GPC5: variants seen among roughly 807,000 people sequenced by gnomAD.
GPC5 encodes the protein glypican 5, also known as glypican-5.
In GPC5, 47 loss-of-function variants were observed where a neutral mutation model predicts 53.9. The observed-to-expected ratio is 0.87, with a 90% CI of 0.69 to 1.11. The LOEUF is 1.11. Among genes scored for constraint, GPC5 ranks in the 50% most tolerant of loss-of-function variants. The pLI, the probability that GPC5 is intolerant of heterozygous loss-of-function variation, is 0.00. For synonymous variants in GPC5, 286 were observed against 263.3 expected, an observed-to-expected ratio of 1.09 and a Z score of -0.84; for missense variants, 748 against 713.1, an observed-to-expected ratio of 1.05 and a Z score of -0.56.
At chr13:92,047,542 A>G (rs955276238) in intron 6 of GPC5, among the ~76,000 whole-genome samples, 1 of 151,412 alleles carries the variant, frequency 6.6e-6, no homozygotes, top group Admixed American at 6.6e-5. Flanking sequence ...TTATTATCAC[A>G]GTTACTTCTA....
At chr13:92,133,096 G>A (rs1191531920) in intron 6 of GPC5, among the ~76,000 whole-genome samples, 11 of 152,086 alleles carry the variant, frequency 7.2e-5, no homozygotes, top group African/African-American at 1.7e-4. Flanking sequence ...GACCAGAATC[G>A]TAGTCAAATA....
chr13:92,425,875 G>C (rs1876809649), intron 7 of GPC5, among the ~76,000 whole-genome samples: 1 of 151,986 alleles, frequency 6.6e-6, no homozygotes, highest in Non-Finnish European at 1.5e-5. Context: ...ACACTAGCAT[G>C]TTAGGCAAAC....
intron 7 of GPC5, among the ~76,000 whole-genome samples, chr13:92,315,498 G>A (rs138270883): frequency 6.6e-6 from 1 of 152,188 alleles, no homozygotes; most frequent in African/African-American, 2.4e-5. Flanking sequence ...ATTTCTGCCT[G>A]TTGACCTCCT....
At chr13:91,571,876 C>CAT (rs748647202) in intron 2 of GPC5, among the ~76,000 whole-genome samples, 1 of 100,926 alleles carries the variant, frequency 9.9e-6, no homozygotes, top group Non-Finnish European at 1.9e-5. Flanking sequence ...TGTATATATA[C>CAT]ACACATATAC....
At chr13:92,799,358 CTAAAT>C (rs1472842549) in intron 7 of GPC5, among the ~76,000 whole-genome samples, 1 of 151,706 alleles carries the variant, frequency 6.6e-6, no homozygotes, top group African/African-American at 2.4e-5. Context: ...TTTATTCACT[CTAAAT>C]TATTTAATGC....
chr13:92,817,791 G>T lies in GPC5; in HGVS notation c.1562-48491G>T, dbSNP rs185708587. On this transcript the variant is annotated intron_variant, in intron 7 of 7. Transcript: ENST00000377067. ...CAAACAGTTTTAGTATACTTTATAT[G>T]CCCACTGAGTCTTTCAAACCACATT... is the stretch of plus-strand genomic sequence containing the variant. Among the ~76,000 whole-genome samples the T allele has an allele frequency of 6.4e-4, 98 of 152,022 alleles. 1 individual carries two copies. In the East Asian group the frequency reaches 0.017, roughly 26 times the overall value.
intron 2 of GPC5, among the ~76,000 whole-genome samples, chr13:91,572,547 G>GGTGGTGC (rs1362919354): frequency 9.9e-5 from 15 of 152,068 alleles, no homozygotes; most frequent in African/African-American, 3.6e-4. Flanking sequence ...GAGAGAGTGA[G>GGTGGTGC]CAAGAGAGGG....
intron 6 of GPC5, among the ~76,000 whole-genome samples, chr13:91,938,277 G>T (rs915401162): frequency 6.6e-6 from 1 of 152,066 alleles, no homozygotes; most frequent in Admixed American, 6.6e-5. Context: ...GAAGGAGCAG[G>T]CATGTCACAT....
At chr13:92,386,239 TA>T (rs1162085907) in intron 7 of GPC5, among the ~76,000 whole-genome samples, 1 of 152,150 alleles carries the variant, frequency 6.6e-6, no homozygotes, top group East Asian at 1.9e-4. Flanking sequence ...TTGCTGTTCT[TA>T]AAGTATAATA....
At chr13:92,695,257 CT>C (rs1011554161) in intron 7 of GPC5, among the ~76,000 whole-genome samples, 3 of 152,130 alleles carry the variant, frequency 2.0e-5, no homozygotes, top group Non-Finnish European at 4.4e-5. Flanking sequence ...TTTTTGCTCA[CT>C]TTTTAATGGG....
intron 5 of GPC5, among the ~76,000 whole-genome samples, chr13:91,837,113 T>G (rs1594607174): frequency 6.6e-6 from 1 of 151,014 alleles, no homozygotes; most frequent in Non-Finnish European, 1.5e-5. Context: ...TATACATATA[T>G]CTCTCTTACT....
intron 7 of GPC5, among the ~76,000 whole-genome samples, chr13:92,594,573 A>G (rs1883808311): frequency 6.6e-6 from 1 of 152,230 alleles, no homozygotes. Flanking sequence ...TCCTATAGCA[A>G]TAACCCATTT....
At chr13:92,542,913 T>A (rs1287773484) in intron 7 of GPC5, among the ~76,000 whole-genome samples, 1 of 152,190 alleles carries the variant, frequency 6.6e-6, no homozygotes, top group South Asian at 2.1e-4. Flanking sequence ...TTTTTAGAAT[T>A]CTCTTTTTGT....
At chr13:92,523,214 G>A (rs1222819836) in intron 7 of GPC5, among the ~76,000 whole-genome samples, 1 of 152,010 alleles carries the variant, frequency 6.6e-6, no homozygotes. Flanking sequence ...TTGACCTTCT[G>A]GAACTCGTGT....
chr13:92,798,122 C>T (rs1349871799), intron 7 of GPC5, among the ~76,000 whole-genome samples: 6 of 151,834 alleles, frequency 4.0e-5, no homozygotes, highest in South Asian at 4.1e-4. Flanking sequence ...CTGAAAATGA[C>T]GAGACACAGC....
intron 7 of GPC5, among the ~76,000 whole-genome samples, chr13:92,670,793 G>A (rs897427080): frequency 2.6e-5 from 4 of 152,104 alleles, no homozygotes; most frequent in African/African-American, 7.2e-5. Context: ...CTAAGGATAA[G>A]CTCTCACTTT....
At chr13:91,523,291 A>G (rs937862457) in intron 2 of GPC5, among the ~76,000 whole-genome samples, 10 of 152,198 alleles carry the variant, frequency 6.6e-5, no homozygotes, top group Admixed American at 3.3e-4. Flanking sequence ...TATTTGCAAT[A>G]CCATGTTCAT....
At chr13:92,121,631 TG>T (rs2053533961) in intron 6 of GPC5, among the ~76,000 whole-genome samples, 1 of 152,208 alleles carries the variant, frequency 6.6e-6, no homozygotes, top group South Asian at 2.1e-4. Context: ...TGGTGATTTT[TG>T]GAAAAACTGC....
At chr13:92,381,909 G>GATATATATATATCATATATCATATATATA (rs1491229146) in intron 7 of GPC5, among the ~76,000 whole-genome samples, 1 of 122,126 alleles carries the variant, frequency 8.2e-6, no homozygotes, top group Admixed American at 8.9e-5. Flanking sequence ...TCATATATAT[G>GATATATATATATCATATATCATATATATA]ATATATATAA....
Sources: gnomAD v4.1 joint callset for allele counts (sites outside exome capture counted in the v4.1 genomes callset) on GRCh38, gnomAD v4.1.1 for gene constraint, MANE v1.5 for transcripts, NCBI Gene and HGNC (gene_info 2026-07-23, HGNC 2026-07-21) for gene names.